VPS8: variants seen among roughly 807,000 people sequenced by gnomAD.
VPS8 encodes VPS8 subunit of CORVET complex, also known as vacuolar protein sorting-associated protein 8 homolog.
In VPS8, 129 loss-of-function variants were observed where a neutral mutation model predicts 216.4. The ratio of observed to expected loss-of-function variants is 0.60; its 90% confidence interval spans 0.52 to 0.69. The LOEUF is 0.69. Ranked by LOEUF, VPS8 falls within the 30% of genes least tolerant of loss-of-function variation. VPS8 has a pLI of 0.00. For synonymous variants in VPS8, 571 were observed against 565.4 expected (o/e 1.01, Z -0.14); for missense variants, 1,531 against 1,683.5 (o/e 0.91, Z 1.59).
chr3:185,003,382 C>G (rs1187105364), intron 45 of VPS8, among the ~76,000 whole-genome samples: 1 of 146,560 alleles, frequency 6.8e-6, no homozygotes, highest in Non-Finnish European at 1.5e-5. Context: ...CTTCAAGCAT[C>G]TGTTTAACAA....
intron 21 of VPS8, among the ~76,000 whole-genome samples, chr3:184,880,003 A>G (rs1730001914): frequency 6.6e-6 from 1 of 152,206 alleles, no homozygotes; most frequent in East Asian, 1.9e-4. Flanking sequence ...AGCCAGATTG[A>G]AAGTGTTAAT....
intron 46 of VPS8, among the ~76,000 whole-genome samples, chr3:185,036,519 C>T (rs1468603512): frequency 6.6e-6 from 1 of 151,906 alleles, no homozygotes; most frequent in East Asian, 1.9e-4. Flanking sequence ...AAAGGACTCC[C>T]TATTTAATAA....
chr3:184,954,615 T>C (rs1328403219), intron 36 of VPS8, among the ~76,000 whole-genome samples: 1 of 152,210 alleles, frequency 6.6e-6, no homozygotes, highest in East Asian at 1.9e-4. Flanking sequence ...TCCCTAGATT[T>C]ATCATGGGCT....
At chr3:184,834,388 T>C (rs1178487666) in intron 4 of VPS8, among the ~76,000 whole-genome samples, 1 of 152,162 alleles carries the variant, frequency 6.6e-6, no homozygotes, top group Non-Finnish European at 1.5e-5. Flanking sequence ...TTAGGAGATA[T>C]ACCTAATGCT....
At chr3:184,831,933 A>G (rs1560296705) in intron 3 of VPS8, among the ~76,000 whole-genome samples, 1 of 152,132 alleles carries the variant, frequency 6.6e-6, no homozygotes, top group East Asian at 1.9e-4. Context: ...ATGTCTTTCC[A>G]CTTCTTAAAA....
In VPS8 at chr3:184,865,085, C is replaced by T. The variant is rs185272862; in HGVS notation, c.1396-1791C>T. On this transcript the variant is annotated intron_variant, in intron 16 of 47. Transcript: ENST00000625842. ...GGCAGATTAGGCAATACAGAAAAAA[C>T]GATTCATGAATTTGAAGATACAACA... Among the ~76,000 whole-genome samples, 113 of 152,112 alleles carry T rather than the reference C, an allele frequency of 7.4e-4. 1 individual carries two copies. The highest frequency in any genetic ancestry group is 2.5e-3 in the African/African-American group (103 of 41,502).
rs1553913168 is a variant in VPS8 at position 185,039,528 on chromosome 3, G to GT, written c.4057-8941dup. On this transcript the variant is annotated intron_variant, in intron 46 of 47. Coordinates refer to ENST00000625842, the MANE Select transcript of VPS8 (RefSeq NM_001009921.3). The stretch of plus-strand genomic sequence containing the variant: ...GAAGCCAACGCTATGACACTGTGGG[G>GT]TTTTTTTTTTGGAAAAGAAATGCTT... 7.4e-3 allele frequency among the ~76,000 whole-genome samples: 1,085 copies of GT among 146,876 alleles called. 8 individuals carry two copies. Among genetic ancestry groups the GT allele is most frequent in the African/African-American group, 0.017 (675 of 40,040 alleles).
At chr3:185,048,595 C>T (rs1713478022) in intron 47 of VPS8, 36 bp downstream of exon 47, 9 of 1,609,190 alleles carry the variant, frequency 5.6e-6, no homozygotes, top group Non-Finnish European at 7.6e-6. Context: ...TTTTATTTCC[C>T]TATTTATAGT....
At chr3:184,890,863 A>G (rs1028747746) in intron 22 of VPS8, among the ~76,000 whole-genome samples, 21 of 151,862 alleles carry the variant, frequency 1.4e-4, no homozygotes, top group African/African-American at 4.1e-4. Context: ...TTTCATTTCA[A>G]TTTGGTTTTG....
chr3:184,813,986 ACTGAAT>A (rs1288700328), intron 1 of VPS8: 3 of 152,248 alleles, frequency 2.0e-5, no homozygotes, highest in Non-Finnish European at 4.4e-5. Flanking sequence ...TGTATTCTTA[ACTGAAT>A]CTTGAATGAA....
chr3:184,820,177 T>G (rs1717253781), intron 1 of VPS8, among the ~76,000 whole-genome samples: 1 of 152,202 alleles, frequency 6.6e-6, no homozygotes, highest in East Asian at 1.9e-4. Context: ...CAGATTTATT[T>G]TACAGTTCAG....
At chr3:184,926,179 T>C (rs1016093626) in intron 30 of VPS8, among the ~76,000 whole-genome samples, 3 of 151,156 alleles carry the variant, frequency 2.0e-5, no homozygotes, top group Non-Finnish European at 3.0e-5. Flanking sequence ...ATCGAGACCA[T>C]CCTGGCTAAC....
intron 14 of VPS8, among the ~76,000 whole-genome samples, chr3:184,859,660 T>C (rs576507704): frequency 6.6e-6 from 1 of 152,300 alleles, no homozygotes; most frequent in African/African-American, 2.4e-5. Context: ...CATGTCACCT[T>C]TCCTTTTTGT....
At chr3:184,841,413 A>G (rs1722120944) in intron 7 of VPS8, among the ~76,000 whole-genome samples, 1 of 152,176 alleles carries the variant, frequency 6.6e-6, no homozygotes. Flanking sequence ...CATCATTTTT[A>G]ATGGCTATAT....
At chr3:184,945,377 G>C (rs1743499081) in intron 36 of VPS8, among the ~76,000 whole-genome samples, 1 of 151,934 alleles carries the variant, frequency 6.6e-6, no homozygotes, top group Non-Finnish European at 1.5e-5. Context: ...GAGATAAAAT[G>C]ATGAATAAGA....
chr3:184,895,922 C>G (rs931538455), intron 23 of VPS8, among the ~76,000 whole-genome samples: 1 of 151,648 alleles, frequency 6.6e-6, no homozygotes, highest in Non-Finnish European at 1.5e-5. Flanking sequence ...GTGTGAGCCA[C>G]TGAGCCTGGC....
intron 21 of VPS8, 35 bp downstream of exon 21, chr3:184,870,840 C>T: frequency 6.5e-7 from 1 of 1,543,264 alleles, no homozygotes; most frequent in East Asian, 2.3e-5. Context: ...AGACGATGCT[C>T]TGGATAGGTC....
chr3:185,022,545 T>C (rs1756807483), intron 45 of VPS8, among the ~76,000 whole-genome samples: 1 of 152,222 alleles, frequency 6.6e-6, no homozygotes, highest in African/African-American at 2.4e-5. Flanking sequence ...ATGTATCCTT[T>C]CATTCCTTTT....
At chr3:184,902,964 G>T (rs1734834474) in intron 25 of VPS8, among the ~76,000 whole-genome samples, 1 of 152,068 alleles carries the variant, frequency 6.6e-6, no homozygotes, top group Non-Finnish European at 1.5e-5. Context: ...TTTTATAAAT[G>T]ATGTAAGGTA....
Sources: allele counts gnomAD v4.1 joint callset (sites outside exome capture counted in the v4.1 genomes callset), GRCh38; gene constraint gnomAD v4.1.1; transcripts MANE v1.5; gene names NCBI Gene and HGNC (gene_info 2026-07-23, HGNC 2026-07-21).